The following KIF16B variants were observed in gnomAD, a reference collection of about 807,000 sequenced individuals.
The protein encoded by KIF16B is kinesin family member 16B.
In KIF16B, 98 loss-of-function variants were observed where a neutral mutation model predicts 156.3. That is an observed-to-expected ratio of 0.63 (90% CI 0.53 to 0.74). KIF16B has a LOEUF of 0.74. Ranked by LOEUF, KIF16B falls within the 30% of genes least tolerant of loss-of-function variation. KIF16B has a pLI of 0.00. For missense variants in KIF16B, 1,421 were observed against 1,606.5 expected (o/e 0.88, Z 1.97); for synonymous variants, 564 against 583.7 (o/e 0.97, Z 0.49).
chr20:16,534,290 A>C (rs1049821177), intron 1 of KIF16B, among the ~76,000 whole-genome samples: 2 of 151,940 alleles, frequency 1.3e-5, no homozygotes, highest in African/African-American at 2.4e-5. Flanking sequence ...AATTACTCTT[A>C]GTATTTATAA....
intron 25 of KIF16B, among the ~76,000 whole-genome samples, chr20:16,275,614 A>G (rs370738831): frequency 6.6e-6 from 1 of 152,274 alleles, no homozygotes; most frequent in African/African-American, 2.4e-5. Context: ...TCAACTCAAG[A>G]TGTTTTTTCT....
intron 12 of KIF16B, among the ~76,000 whole-genome samples, chr20:16,447,760 CAA>C (rs1568545444): frequency 2.0e-5 from 3 of 152,098 alleles, no homozygotes; most frequent in African/African-American, 7.2e-5. Flanking sequence ...ATATTTCTAA[CAA>C]ACTAGAAATA....
At chr20:16,529,611 A>T (rs1051970299) in intron 1 of KIF16B, among the ~76,000 whole-genome samples, 2 of 152,190 alleles carry the variant, frequency 1.3e-5, no homozygotes, top group Non-Finnish European at 2.9e-5. Flanking sequence ...AAGGTTTTTG[A>T]AGTGGCTGAA....
intron 23 of KIF16B, among the ~76,000 whole-genome samples, chr20:16,356,051 A>G (rs2064435206): frequency 6.6e-6 from 1 of 152,122 alleles, no homozygotes; most frequent in African/African-American, 2.4e-5. Context: ...GACATTAGGA[A>G]AGTCTTGGGC....
At chr20:16,370,562 T>A in intron 22 of KIF16B, 24 bp downstream of exon 22, 1 of 1,554,254 alleles carries the variant, frequency 6.4e-7, no homozygotes, top group African/African-American at 1.4e-5. Context: ...GGCGACCCTA[T>A]CAATCTGAAA....
At chr20:16,409,725 T>TCC (rs1257165826) in intron 15 of KIF16B, among the ~76,000 whole-genome samples, 1 of 150,764 alleles carries the variant, frequency 6.6e-6, no homozygotes, top group East Asian at 2.0e-4. Context: ...GAGACGGGGG[T>TCC]GAGGAAGATG....
intron 25 of KIF16B, among the ~76,000 whole-genome samples, chr20:16,310,242 G>C (rs2063599337): frequency 1.3e-5 from 2 of 152,230 alleles, no homozygotes. Flanking sequence ...GGGAAGGAAG[G>C]GTTCCTTGCC....
At chr20:16,463,176 G>A (rs1052883518) in intron 12 of KIF16B, among the ~76,000 whole-genome samples, 7 of 152,122 alleles carry the variant, frequency 4.6e-5, no homozygotes, top group Non-Finnish European at 7.3e-5. Flanking sequence ...TCTGTCTGCA[G>A]GAAAGAGAGC....
intron 12 of KIF16B, among the ~76,000 whole-genome samples, chr20:16,447,999 C>G (rs1373759951): frequency 1.3e-5 from 2 of 152,154 alleles, no homozygotes; most frequent in East Asian, 1.9e-4. Context: ...AACACAAAAC[C>G]AGCAAGCTTA....
In KIF16B at chr20:16,485,795, C is replaced by T. The variant is rs117904881; in HGVS notation, c.1302+8496G>A. 4.8e-3 allele frequency among the ~76,000 whole-genome samples: 731 copies of T among 152,252 alleles called. 2 individuals carry two copies. The highest frequency in any genetic ancestry group is 0.027 in the Middle Eastern group (8 of 294). On this transcript the variant is annotated intron_variant, in intron 12 of 25. Coordinates refer to ENST00000354981, the MANE Select transcript of KIF16B (RefSeq NM_024704.5). ...CAAAATACTTTCTATATTGCAAGGGCTTTTCAAAGTGCTTTAAGTGTATGT... is the reference window on the plus strand; with the variant it reads ...CAAAATACTTTCTATATTGCAAGGGTTTTTCAAAGTGCTTTAAGTGTATGT...
intron 25 of KIF16B, 41 bp from the exon 26 acceptor site, chr20:16,273,452 G>A: frequency 6.3e-7 from 1 of 1,582,522 alleles, no homozygotes; most frequent in Non-Finnish European, 8.7e-7. Flanking sequence ...TCAATTGGGA[G>A]GTCAAGGCGG....
At chr20:16,368,059 G>GCAA in intron 22 of KIF16B, 1 of 1,363,706 alleles carries the variant, frequency 7.3e-7, no homozygotes, top group Non-Finnish European at 9.4e-7. Flanking sequence ...TGTGCAGGCA[G>GCAA]CAACAGCAAG....
rs745340626 is a variant in KIF16B, at chr20:16,379,136, G to A, written c.2866C>T (p.Leu956Phe). The A allele has an allele frequency of 1.9e-6, 3 of 1,614,234 alleles. No homozygotes were observed. Among genetic ancestry groups the A allele is most frequent in the Admixed American group, 3.3e-5 (2 of 60,026 alleles). The change falls in exon 19 of 26, where the codon CTT becomes TTT. Residue 956 changes from leucine to phenylalanine, a missense_variant. Leu to Phe is a conservative substitution (Grantham distance 22). Coordinates refer to ENST00000354981, the MANE Select transcript of KIF16B (RefSeq NM_024704.5). ...EKEMEEKEEQ[L>F]AQYQANANQL... is the part of the protein sequence containing the mutation. ...TTTGCATTGGCCTGGTACTGTGCAA[G>A]CTGTTCTTCTTTTTCTTCCATTTCC...
chr20:16,292,161 G>A (rs1442319657), intron 25 of KIF16B, among the ~76,000 whole-genome samples: 2 of 152,136 alleles, frequency 1.3e-5, no homozygotes, highest in Non-Finnish European at 2.9e-5. Flanking sequence ...AATGTTTTTG[G>A]TTGCCTGGAA....
chr20:16,516,181 G>C (rs550609710), intron 3 of KIF16B, among the ~76,000 whole-genome samples: 2 of 152,280 alleles, frequency 1.3e-5, no homozygotes, highest in Admixed American at 6.5e-5. Context: ...GGTGGCTGTA[G>C]ATGAGGATGG....
intron 23 of KIF16B, among the ~76,000 whole-genome samples, chr20:16,346,110 C>T (rs921748198): frequency 2.0e-5 from 3 of 152,198 alleles, no homozygotes; most frequent in Admixed American, 6.5e-5. Context: ...TCCAAGCAGG[C>T]TTCCCCCTCC....
chr20:16,517,692 C>T (rs1383182859), intron 3 of KIF16B, among the ~76,000 whole-genome samples: 10 of 152,190 alleles, frequency 6.6e-5, no homozygotes, highest in Non-Finnish European at 2.9e-5. Context: ...ACCCCAGGGG[C>T]ACTCAGGACT....
intron 12 of KIF16B, among the ~76,000 whole-genome samples, chr20:16,493,442 G>A (rs1379838030): frequency 6.6e-6 from 1 of 152,204 alleles, no homozygotes; most frequent in Non-Finnish European, 1.5e-5. Context: ...ATCCACCTTA[G>A]GATTCTGCCA....
intron 17 of KIF16B, among the ~76,000 whole-genome samples, chr20:16,397,609 T>C (rs935287893): frequency 6.6e-6 from 1 of 152,190 alleles, no homozygotes; most frequent in Admixed American, 6.5e-5. Context: ...ATACAATAAT[T>C]TGCAAACCAG....
Sources: allele counts gnomAD v4.1 joint callset (sites outside exome capture counted in the v4.1 genomes callset), GRCh38; gene constraint gnomAD v4.1.1; transcripts MANE v1.5; gene names NCBI Gene and HGNC (gene_info 2026-07-23, HGNC 2026-07-21).